Variants in TRIM49 observed in about 807,000 individuals in gnomAD.
TRIM49 encodes the protein tripartite motif containing 49.
In TRIM49, 5 loss-of-function variants were observed where a neutral mutation model predicts 27.4. The ratio of observed to expected loss-of-function variants is 0.18; its 90% CI spans 0.10 to 0.38. The LOEUF (loss-of-function observed/expected upper bound fraction) is 0.38, where lower values mean the gene tolerates loss of function less well. TRIM49 is among the 10% of genes least tolerant of loss of function. The pLI, the probability that TRIM49 is intolerant of heterozygous loss-of-function variation, is 1.00. For missense variants in TRIM49, 188 were observed against 487.5 expected, an observed-to-expected ratio of 0.39 and a Z score of 5.79; for synonymous variants, 69 against 166.0, an observed-to-expected ratio of 0.42 and a Z score of 4.49.
chr11:89,805,806 C>G lies in TRIM49; in HGVS notation c.-5+1293G>C, dbSNP rs539983426. ...GATCTCGGCTCACTGTAACCTCCGC[C>G]TCCAGGTTCAGAGCGATTCTCCTGC... On this transcript the variant is annotated intron_variant, in intron 2 of 7. Coordinates refer to ENST00000329758, the MANE Select transcript of TRIM49 (RefSeq NM_020358.2). Among the ~76,000 whole-genome samples, 155 of 149,210 alleles carry G rather than the reference C, an allele frequency of 1.0e-3. 1 individual carries two copies. The highest frequency in any genetic ancestry group is 3.8e-3 in the African/African-American group (150 of 39,648).
chr11:89,785,260 AT>A, the TRIM49 span, among the ~76,000 whole-genome samples: 4 of 145,316 alleles, frequency 2.8e-5, 1 homozygote, highest in African/African-American at 8.1e-5. Context: ...AAATAAATAA[AT>A]AAATAAAATC....
rs1311856880 is a variant in TRIM49 at position 89,798,476 on chromosome 11, G to A, written c.1013C>T (p.Ser338Leu). ...FLAWGVQTFTSGKYYWEVHVG... is the reference protein window; with the variant it reads ...FLAWGVQTFTLGKYYWEVHVG... Reference sequence around the variant, plus strand: ...ATGGACCTCCCAGTAATATTTGCCCGAGGTGAAAGTCTGAACACCCCATGC... The same window carrying A: ...ATGGACCTCCCAGTAATATTTGCCCAAGGTGAAAGTCTGAACACCCCATGC... The change falls in exon 8 of 8, where the codon TCG (serine) becomes TTG (leucine). Residue 338 changes from serine (S) to leucine (L), a missense_variant. This residue lies in a region of TRIM49 where 94 missense variants were observed against 149.6 expected (regional missense o/e 0.63). Transcript: ENST00000329758. 1.3e-5 allele frequency: 20 copies of A among 1,593,014 alleles called. 1 individual carries two copies. The highest frequency in any genetic ancestry group is 3.5e-5 in the Admixed American group (2 of 57,914).
rs539973964 is a variant in TRIM49 at position 89,806,067 on chromosome 11, G to C, written c.-5+1032C>G. ...TGATAGAATATACCACACAAATCTA[G>C]ATGGTATAGCCTACTACACCTATGG... On this transcript the variant is annotated intron_variant, in intron 2 of 7. Transcript: ENST00000329758. Among the ~76,000 whole-genome samples the C allele has an allele frequency of 4.0e-5, 6 of 150,078 alleles. No homozygotes were observed. The South Asian group carries it at 6.3e-4, about 16-fold the overall frequency.
the TRIM49 span, among the ~76,000 whole-genome samples, chr11:89,790,717 A>G: frequency 1.7e-3 from 266 of 152,120 alleles, 3 homozygotes; most frequent in Middle Eastern, 0.027. Flanking sequence ...ACTAACAAAC[A>G]GAAAGGACAT....
chr11:89,793,727 C>A (rs1369965584), downstream of TRIM49, among the ~76,000 whole-genome samples: 1 of 151,906 alleles, frequency 6.6e-6, no homozygotes, highest in African/African-American at 2.4e-5. Flanking sequence ...ATTGATGGGA[C>A]GTATCTCAAA....
At chr11:89,776,927 A>C in the TRIM49 span, 2 of 1,519,450 alleles carry the variant, frequency 1.3e-6, no homozygotes, top group Non-Finnish European at 8.8e-7. Flanking sequence ...TCATCGGGGC[A>C]AATAAAAATA....
intron 4 of TRIM49, among the ~76,000 whole-genome samples, chr11:89,802,672 A>T (rs1949748257): frequency 6.6e-6 from 1 of 151,070 alleles, no homozygotes; most frequent in South Asian, 2.1e-4. Context: ...ATATATCCAC[A>T]CACACATTTG....
At chr11:89,791,643 A>G in the TRIM49 span, among the ~76,000 whole-genome samples, 2 of 151,550 alleles carry the variant, frequency 1.3e-5, no homozygotes, top group African/African-American at 4.8e-5. Flanking sequence ...CAGCCAAACT[A>G]AGCTTCATAA....
intron 2 of TRIM49, among the ~76,000 whole-genome samples, chr11:89,804,733 T>C (rs1387105195): frequency 6.6e-6 from 1 of 151,424 alleles, no homozygotes; most frequent in Non-Finnish European, 1.5e-5. Context: ...CCTATTCAAC[T>C]ACCCATTTTC....
the TRIM49 span, among the ~76,000 whole-genome samples, chr11:89,772,317 T>G: frequency 7.5e-6 from 1 of 133,664 alleles, no homozygotes; most frequent in Non-Finnish European, 1.5e-5. Context: ...AACAGTAGGC[T>G]ATTGATAGCT....
the TRIM49 span, chr11:89,768,421 C>G: frequency 4.9e-6 from 3 of 615,036 alleles, no homozygotes; most frequent in East Asian, 1.2e-4. Context: ...GGTTTGTGGC[C>G]CTTAGGGAAT....
At chr11:89,793,312 G>A (rs1372595141), downstream of TRIM49, among the ~76,000 whole-genome samples, 1 of 152,096 alleles carries the variant, frequency 6.6e-6, no homozygotes, top group Non-Finnish European at 1.5e-5. Flanking sequence ...GTACAAGGAG[G>A]AGCTGGTACC....
Position 89,798,818 on chromosome 11 carries a change from G to GTT in TRIM49, c.860-191_860-190dup, listed in dbSNP as rs75501184. On this transcript the variant is annotated intron_variant, in intron 7 of 7. Coordinates refer to ENST00000329758, the MANE Select transcript of TRIM49 (RefSeq NM_020358.2). ...ACAAAACCCTAACCACAGATATTAT[G>GTT]TTTTTTTTTTGAAAACTTACATATT... Among the ~76,000 whole-genome samples, 148 of 100,502 alleles carry GTT rather than the reference G, an allele frequency of 1.5e-3. 8 individuals are homozygous for GTT. Among genetic ancestry groups the GTT allele is most frequent in the African/African-American group, 3.3e-3 (64 of 19,374 alleles). The allele number at this position is 100,502 out of a possible 152,430, so 65.9% of individuals were successfully genotyped here.
chr11:89,804,507 C>T (rs748446107), intron 2 of TRIM49, 34 bp from the exon 3 acceptor site: 9 of 1,534,800 alleles, frequency 5.9e-6, no homozygotes, highest in Non-Finnish European at 7.8e-6. Flanking sequence ...CATTTTGGGG[C>T]CTGGGTTGAT....
At chr11:89,791,889 A>G in the TRIM49 span, among the ~76,000 whole-genome samples, 1 of 150,554 alleles carries the variant, frequency 6.6e-6, no homozygotes, top group Non-Finnish European at 1.5e-5. Flanking sequence ...ATTCACACAT[A>G]ACAATATTAA....
chr11:89,773,941 G>GA, the TRIM49 span, among the ~76,000 whole-genome samples: 1 of 131,766 alleles, frequency 7.6e-6, no homozygotes, highest in Non-Finnish European at 1.5e-5. Context: ...CGTCTCAAAA[G>GA]AAAAAAAAAG....
the TRIM49 span, chr11:89,787,716 T>G: frequency 4.4e-6 from 5 of 1,126,918 alleles, no homozygotes; most frequent in African/African-American, 8.9e-5. Context: ...AGCGGCCACC[T>G]GCGGATACCC....
downstream of TRIM49, among the ~76,000 whole-genome samples, chr11:89,794,202 G>C (rs1949673936): frequency 1.6e-5 from 2 of 121,690 alleles, no homozygotes; most frequent in African/African-American, 6.3e-5. Context: ...ACCTCTTCAA[G>C]GAGAACTACA....
chr11:89,770,897 T>C, the TRIM49 span, among the ~76,000 whole-genome samples: 1 of 134,358 alleles, frequency 7.4e-6, no homozygotes, highest in African/African-American at 3.1e-5. Flanking sequence ...CAAAAATCAA[T>C]TTTTGTCTAT....
Sources: gnomAD v4.1 joint callset for allele counts (sites outside exome capture counted in the v4.1 genomes callset) on GRCh38, gnomAD v4.1.1 for gene constraint, gnomAD v4.1.1 regional missense constraint, MANE v1.5 for transcripts, NCBI Gene and HGNC (gene_info 2026-07-23, HGNC 2026-07-21) for gene names.